Variants in ANKS1B observed in about 807,000 individuals in gnomAD.
ANKS1B encodes ankyrin repeat and sterile alpha motif domain containing 1B.
A neutral mutation model predicts 148.3 loss-of-function variants in ANKS1B; 36 were observed. The ratio of observed to expected loss-of-function variants is 0.24; its 90% CI spans 0.19 to 0.32. The LOEUF (loss-of-function observed/expected upper bound fraction) is 0.32. Among genes scored for constraint, ANKS1B ranks in the 10% least tolerant of loss-of-function variants. The pLI, the probability that ANKS1B is intolerant of heterozygous loss-of-function variation, is 1.00. For synonymous variants in ANKS1B, 542 were observed against 560.8 expected, an observed-to-expected ratio of 0.97 and a Z score of 0.47; for missense variants, 1,157 against 1,542.6, an observed-to-expected ratio of 0.75 and a Z score of 4.19.
chr12:99,374,319 C>T (rs2093292672), intron 12 of ANKS1B, among the ~76,000 whole-genome samples: 2 of 152,028 alleles, frequency 1.3e-5, no homozygotes, highest in African/African-American at 4.8e-5. Context: ...GCAGGTTTTC[C>T]CCGTGTCTGG....
In ANKS1B at chr12:99,776,847, A is replaced by AT. The variant is rs902740740; in HGVS notation, c.848-1187dup. On this transcript the variant is annotated intron_variant, in intron 6 of 26. Coordinates refer to ENST00000683438, the MANE Select transcript of ANKS1B (RefSeq NM_001352186.2). Reference sequence around the variant, plus strand: ...AGATATGTGCCACCACACCCGGCTCATTTTTTTTTGTATTTTTAGTAGAGA... The same window carrying AT: ...AGATATGTGCCACCACACCCGGCTCATTTTTTTTTTGTATTTTTAGTAGAGA... 3.4e-4 allele frequency among the ~76,000 whole-genome samples: 51 copies of AT among 150,246 alleles called. 2 individuals carry two copies. Among genetic ancestry groups the AT allele is most frequent in the South Asian group, 1.1e-3 (5 of 4,720 alleles).
At position 98,918,617 on chromosome 12, in the gene ANKS1B, T is replaced by C. The variant is rs550754972; in HGVS notation, c.2779-86481A>G. Among the ~76,000 whole-genome samples the C allele has an allele frequency of 2.6e-5, 4 of 152,336 alleles. No individual in the cohort carries two copies. In the South Asian group the frequency reaches 8.3e-4, roughly 32 times the overall value. On this transcript the variant is annotated intron_variant, in intron 17 of 26. Transcript: ENST00000683438. ...TAATATATTCTTGGATTAAATGGTATGCACATTTTAATGCTCTTGAGACAA... is the reference window on the plus strand; with the variant it reads ...TAATATATTCTTGGATTAAATGGTACGCACATTTTAATGCTCTTGAGACAA...
intron 14 of ANKS1B, among the ~76,000 whole-genome samples, chr12:99,169,635 C>A (rs933430824): frequency 5.9e-5 from 9 of 152,140 alleles, no homozygotes; most frequent in Admixed American, 1.3e-4. Context: ...TATATGTTAT[C>A]TCATTATGTA....
At chr12:99,089,474 T>C (rs1027746759) in intron 15 of ANKS1B, among the ~76,000 whole-genome samples, 1 of 152,200 alleles carries the variant, frequency 6.6e-6, no homozygotes, top group Admixed American at 6.5e-5. Flanking sequence ...ATGGCCACCA[T>C]ATTGGACAAC....
chr12:98,935,796 C>A (rs1285770815), intron 17 of ANKS1B, among the ~76,000 whole-genome samples: 1 of 152,110 alleles, frequency 6.6e-6, no homozygotes, highest in Non-Finnish European at 1.5e-5. Context: ...GGGTCTCTAC[C>A]AATTAACTTC....
chr12:98,832,118 T>C lies in ANKS1B; in HGVS notation c.2797A>G (p.Ile933Val), dbSNP rs1298136158. 5.7e-6 allele frequency: 9 copies of C among 1,579,448 alleles called. No individual in the cohort carries two copies. Among genetic ancestry groups the C allele is most frequent in the Non-Finnish European group, 7.8e-6 (9 of 1,160,894 alleles). The change falls in exon 18 of 27, where the codon ATT becomes GTT. Residue 933 changes from isoleucine (I) to valine (V), a missense_variant. Transcript: ENST00000683438. ...ELINVLKINL[I>V]GHRKRILASL... ...GCCAAAATACGTTTCCTGTGGCCAA[T>C]CAAATTGATTTTTAAAACCTGAAAC... is the stretch of plus-strand genomic sequence containing the variant.
intron 25 of ANKS1B, among the ~76,000 whole-genome samples, chr12:98,765,466 G>A (rs982723904): frequency 2.6e-5 from 4 of 151,506 alleles, no homozygotes; most frequent in African/African-American, 7.3e-5. Context: ...GTTTCACCAT[G>A]CTGGTCTGGC....
chr12:99,356,860 CAG>C (rs1327908895), intron 12 of ANKS1B, among the ~76,000 whole-genome samples: 1 of 151,276 alleles, frequency 6.6e-6, no homozygotes, highest in Non-Finnish European at 1.5e-5. Context: ...AAAATTATAA[CAG>C]AAAACTAAAA....
Position 99,504,546 on chromosome 12 carries a change from A to T in ANKS1B, c.1368T>A (p.Asp456Glu). ...TCTTTGTAACAGCTGTGTCCATGAG[A>T]TCACACAGAAAGTTCTCATTTTCTG... The part of the protein sequence containing the change: ...FPSENENFLC[D>E]LMDTAVTKKP... Residue 456 changes from aspartate (D) to glutamate (E), a missense_variant, in exon 10 of 27, where the codon GAT becomes GAA. Transcript: ENST00000683438. The T allele has an allele frequency of 1.9e-6, 3 of 1,612,982 alleles. No homozygotes were observed. Among genetic ancestry groups the T allele is most frequent in the Non-Finnish European group, 2.5e-6 (3 of 1,179,450 alleles).
chr12:99,348,645 TA>T (rs943900168), intron 12 of ANKS1B, among the ~76,000 whole-genome samples: 2 of 151,922 alleles, frequency 1.3e-5, no homozygotes, highest in African/African-American at 4.8e-5. Context: ...ATGACTTATT[TA>T]AATTGCTGAA....
intron 4 of ANKS1B, among the ~76,000 whole-genome samples, chr12:99,785,135 C>T (rs2064863847): frequency 6.6e-6 from 1 of 151,244 alleles, no homozygotes; most frequent in African/African-American, 2.4e-5. Flanking sequence ...ATTCTGCCTT[C>T]AGGAAGCTCA....
intron 9 of ANKS1B, among the ~76,000 whole-genome samples, chr12:99,535,473 C>A (rs952606530): frequency 1.3e-5 from 2 of 152,250 alleles, no homozygotes; most frequent in African/African-American, 4.8e-5. Context: ...TCTTTGAACA[C>A]AATTATTCTC....
intron 10 of ANKS1B, among the ~76,000 whole-genome samples, chr12:99,484,707 T>C (rs1477219159): frequency 6.6e-6 from 1 of 151,606 alleles, no homozygotes; most frequent in African/African-American, 2.4e-5. Flanking sequence ...GTAATATCTT[T>C]TTGCTGGGTT....
intron 9 of ANKS1B, among the ~76,000 whole-genome samples, chr12:99,629,062 T>A (rs967508454): frequency 3.3e-5 from 5 of 152,188 alleles, no homozygotes; most frequent in Admixed American, 1.3e-4. Context: ...AACACAGCTA[T>A]GTCCGTTCAT....
chr12:99,320,451 A>G (rs1328571723), intron 12 of ANKS1B, among the ~76,000 whole-genome samples: 1 of 152,054 alleles, frequency 6.6e-6, no homozygotes, highest in Non-Finnish European at 1.5e-5. Context: ...TTGATCTTCA[A>G]TCACTGATAC....
At chr12:99,648,365 A>G (rs2098392750) in intron 9 of ANKS1B, 3 of 1,614,004 alleles carry the variant, frequency 1.9e-6, no homozygotes, top group South Asian at 1.1e-5. Context: ...GACGTGCACA[A>G]CCGTGCCCGA....
chr12:99,810,633 T>C (rs948541246), intron 3 of ANKS1B, among the ~76,000 whole-genome samples: 3 of 151,926 alleles, frequency 2.0e-5, no homozygotes, highest in African/African-American at 7.2e-5. Context: ...TTGAATATGG[T>C]CTCCTTAAAA....
At chr12:99,283,395 C>G (rs2078724389) in intron 12 of ANKS1B, among the ~76,000 whole-genome samples, 1 of 152,122 alleles carries the variant, frequency 6.6e-6, no homozygotes, top group African/African-American at 2.4e-5. Flanking sequence ...ATTAGTTATA[C>G]ATTTTTCAGT....
At chr12:99,129,049 A>C (rs762134982) in intron 15 of ANKS1B, among the ~76,000 whole-genome samples, 7 of 152,160 alleles carry the variant, frequency 4.6e-5, no homozygotes, top group Non-Finnish European at 1.0e-4. Flanking sequence ...GGGATGAAAC[A>C]AGAGCCAAGG....
Sources: gnomAD v4.1 joint callset for allele counts (sites outside exome capture counted in the v4.1 genomes callset) on GRCh38, gnomAD v4.1.1 for gene constraint, MANE v1.5 for transcripts, NCBI Gene and HGNC (gene_info 2026-07-23, HGNC 2026-07-21) for gene names.